Variants in R3HDM2 observed in about 807,000 individuals in gnomAD.
The protein encoded by R3HDM2 is R3H domain-containing protein 2.
Under a neutral mutation model 124.5 loss-of-function variants are expected in R3HDM2, and 38 were observed. The ratio of observed to expected loss-of-function variants is 0.31; its 90% CI spans 0.24 to 0.40. The LOEUF (loss-of-function observed/expected upper bound fraction) is 0.40, where lower values mean the gene tolerates loss of function less well. Among genes scored for constraint, R3HDM2 ranks in the 10% least tolerant of loss-of-function variants. The probability of loss-of-function intolerance (pLI) is 1.00; values close to 1 mark genes in which losing one functional copy is unlikely to be tolerated. For missense variants in R3HDM2, 869 were observed against 1,236.9 expected (o/e 0.70, Z 4.46); for synonymous variants, 391 against 448.0 (o/e 0.87, Z 1.61).
At chr12:57,395,689 T>C in intron 2 of R3HDM2, 60 bp downstream of exon 2, 1 of 664,774 alleles carries the variant, frequency 1.5e-6, no homozygotes, top group Non-Finnish European at 1.9e-6. Flanking sequence ...TGAGAACAGA[T>C]GTATAACAAT....
At chr12:57,266,641 CT>C in intron 19 of R3HDM2, 89 bp downstream of exon 19, 1 of 1,040,370 alleles carries the variant, frequency 9.6e-7, no homozygotes, top group Admixed American at 2.0e-5. Flanking sequence ...TACCTGAACT[CT>C]TTTTGCCCTT....
At chr12:57,318,108 G>A (rs561077919) in intron 2 of R3HDM2, among the ~76,000 whole-genome samples, 29 of 150,714 alleles carry the variant, frequency 1.9e-4, no homozygotes, top group Admixed American at 1.7e-3. Context: ...TGGCCAATAT[G>A]GTCAAACCCC....
chr12:57,340,689 G>T (rs1432877640), intron 2 of R3HDM2, among the ~76,000 whole-genome samples: 1 of 152,146 alleles, frequency 6.6e-6, no homozygotes, highest in Non-Finnish European at 1.5e-5. Context: ...GAACAGAAGA[G>T]AAAATAAAGA....
chr12:57,265,727 C>T (rs1413804282), intron 19 of R3HDM2, among the ~76,000 whole-genome samples: 1 of 151,844 alleles, frequency 6.6e-6, no homozygotes, highest in Non-Finnish European at 1.5e-5. Context: ...CTCAGCCTCC[C>T]AGGCTCAAGC....
At chr12:57,396,276 C>T (rs551404522) in intron 1 of R3HDM2, among the ~76,000 whole-genome samples, 103 of 151,190 alleles carry the variant, frequency 6.8e-4, no homozygotes, top group African/African-American at 2.2e-3. Context: ...CTTGTCTCTA[C>T]TAAAAATACA....
chr12:57,361,017 T>G (rs35058761), intron 2 of R3HDM2, among the ~76,000 whole-genome samples: 51,497 of 125,806 alleles, frequency 0.41, 10,869 homozygotes, highest in Middle Eastern at 0.79. Context: ...CACCACTGCC[T>G]CCAGCCTGGG....
At chr12:57,396,759 C>G (rs1161309843) in intron 1 of R3HDM2, among the ~76,000 whole-genome samples, 2 of 123,288 alleles carry the variant, frequency 1.6e-5, no homozygotes, top group African/African-American at 6.4e-5. Context: ...GGCTGGGTGA[C>G]AGAGTGAGAC....
intron 3 of R3HDM2, among the ~76,000 whole-genome samples, 186 bp from the exon 4 acceptor site, chr12:57,303,403 G>A (rs745708940): frequency 9.2e-5 from 14 of 152,068 alleles, no homozygotes; most frequent in Non-Finnish European, 2.1e-4. Context: ...GACAGGAAAG[G>A]GACTACAGGC....
chr12:57,313,372 C>T (rs2054320084), intron 2 of R3HDM2, among the ~76,000 whole-genome samples: 1 of 151,974 alleles, frequency 6.6e-6, no homozygotes, highest in South Asian at 2.1e-4. Context: ...CTAGCCTAGA[C>T]AACACAGTGA....
intron 2 of R3HDM2, among the ~76,000 whole-genome samples, chr12:57,379,381 G>A (rs1380185954): frequency 6.6e-6 from 1 of 152,128 alleles, no homozygotes; most frequent in African/African-American, 2.4e-5. Context: ...AGAAGTTTGA[G>A]ACCAGTCTGA....
intron 22 of R3HDM2, 23 bp downstream of exon 22, chr12:57,256,391 C>T (rs767698762): frequency 1.6e-5 from 24 of 1,515,098 alleles, no homozygotes; most frequent in South Asian, 9.8e-5. Flanking sequence ...GATGGCCCTA[C>T]AGTTGCTGGT....
rs144182824 is a variant in R3HDM2, at chr12:57,368,633, A to G, written c.-36+27116T>C. ...GCTTACGTAGCCTCCTTGGTTGGCAATACTCCATGTGTATTACCACACACC... is the reference window on the plus strand; with the variant it reads ...GCTTACGTAGCCTCCTTGGTTGGCAGTACTCCATGTGTATTACCACACACC... On this transcript the variant is annotated intron_variant, in intron 2 of 23. Transcript: ENST00000402412. Among the ~76,000 whole-genome samples, 126 of 152,284 alleles carry G rather than the reference A, an allele frequency of 8.3e-4. 2 individuals are homozygous for G. Among genetic ancestry groups the G allele is most frequent in the Admixed American group, 5.8e-3 (89 of 15,278 alleles).
chr12:57,295,743 G>A (rs542124750), intron 9 of R3HDM2: 36 of 483,060 alleles, frequency 7.5e-5, no homozygotes, highest in South Asian at 1.4e-4. Flanking sequence ...AGTGAAGAGA[G>A]GCTAGGGCCA....
intron 19 of R3HDM2, among the ~76,000 whole-genome samples, chr12:57,265,363 G>A (rs536838113): frequency 6.6e-6 from 1 of 152,146 alleles, no homozygotes; most frequent in South Asian, 2.1e-4. Context: ...ACAAATCTAA[G>A]CTCTAAGTTA....
chr12:57,379,300 G>C (rs976814482), intron 2 of R3HDM2, among the ~76,000 whole-genome samples: 1 of 152,176 alleles, frequency 6.6e-6, no homozygotes, highest in South Asian at 2.1e-4. Context: ...GGAAAATGAG[G>C]CCAGATGCGG....
At chr12:57,390,704 A>G (rs1347998906) in intron 2 of R3HDM2, among the ~76,000 whole-genome samples, 1 of 151,904 alleles carries the variant, frequency 6.6e-6, no homozygotes, top group Non-Finnish European at 1.5e-5. Flanking sequence ...TCAAAAAAAA[A>G]GGAAGAAAGA....
chr12:57,416,582 G>C lies in R3HDM2; in HGVS notation c.-106+14138C>G, dbSNP rs142672674. Among the ~76,000 whole-genome samples, 6 of 152,256 alleles carry C rather than the reference G, an allele frequency of 3.9e-5. No individual in the cohort carries two copies. The East Asian group carries it at 1.2e-3, about 29-fold the overall frequency. On this transcript the variant is annotated intron_variant, in intron 1 of 23. Transcript: ENST00000402412. Reference sequence around the variant, plus strand: ...ATCCTAACACTGGGAGGATGAGAAGGGCTGATTCAGCCCCAGGAGTTCAAG... The same window carrying C: ...ATCCTAACACTGGGAGGATGAGAAGCGCTGATTCAGCCCCAGGAGTTCAAG...
At chr12:57,342,827 C>T (rs770164996) in intron 2 of R3HDM2, among the ~76,000 whole-genome samples, 5 of 152,132 alleles carry the variant, frequency 3.3e-5, no homozygotes, top group Admixed American at 2.6e-4. Context: ...TAAGACCAAA[C>T]CTTGTTATAG....
chr12:57,368,931 G>T (rs749255383), intron 2 of R3HDM2, among the ~76,000 whole-genome samples: 34 of 152,192 alleles, frequency 2.2e-4, no homozygotes, highest in Non-Finnish European at 4.6e-4. Flanking sequence ...TTTGCACACA[G>T]TCAGCAGGGC....
Sources: gnomAD v4.1 joint callset for allele counts (sites outside exome capture counted in the v4.1 genomes callset) on GRCh38, gnomAD v4.1.1 for gene constraint, MANE v1.5 for transcripts, NCBI Gene and HGNC (gene_info 2026-07-23, HGNC 2026-07-21) for gene names.